Variants in ITGB3 observed in about 807,000 individuals in gnomAD.
The protein encoded by ITGB3 is integrin beta-3.
ITGB3 carries 48 observed loss-of-function variants against 85.8 expected under a neutral mutation model. That is an observed-to-expected ratio of 0.56 (90% CI 0.44 to 0.71). ITGB3 has a LOEUF of 0.71. Ranked by LOEUF, ITGB3 falls within the 30% of genes least tolerant of loss-of-function variation. The pLI is 0.00. For missense variants in ITGB3, 861 were observed against 1,019.1 expected (o/e 0.84, Z 2.11); for synonymous variants, 363 against 395.6 (o/e 0.92, Z 0.98).
chr17:47,273,948 G>A (rs778143439), intron 1 of ITGB3, among the ~76,000 whole-genome samples: 5 of 152,082 alleles, frequency 3.3e-5, no homozygotes, highest in South Asian at 4.1e-4. Flanking sequence ...CACCCTCCAC[G>A]CCCCCACTGT....
rs1235785603 is a variant in ITGB3, at chr17:47,264,328, A to G, written c.80-10091A>G. On this transcript the variant is annotated intron_variant, in intron 1 of 14. Transcript: ENST00000559488. ...CTCTTTCAGGTTCACATTTGTTCACACCCTCATGCCCCATGAGCCATCCAT... is the reference window on the plus strand; with the variant it reads ...CTCTTTCAGGTTCACATTTGTTCACGCCCTCATGCCCCATGAGCCATCCAT... Among the ~76,000 whole-genome samples the G allele has an allele frequency of 2.6e-5, 4 of 152,100 alleles. No individual in the cohort carries two copies. The East Asian group carries it at 7.7e-4, about 29-fold the overall frequency.
chr17:47,293,873 T>C (rs1232356370), intron 10 of ITGB3, among the ~76,000 whole-genome samples: 2 of 152,176 alleles, frequency 1.3e-5, no homozygotes, highest in Non-Finnish European at 2.9e-5. Flanking sequence ...CCCAAAGTGC[T>C]GGGATTACAG....
chr17:47,283,504 G>A lies in ITGB3; in HGVS notation c.316G>A (p.Val106Ile), dbSNP rs1186091732. Residue 106 changes from valine (V) to isoleucine (I), a missense_variant, in exon 3 of 15, where the codon GTC (valine) becomes ATC (isoleucine). Val to Ile is a conservative substitution (Grantham distance 29). Coordinates refer to ENST00000559488, the MANE Select transcript of ITGB3 (RefSeq NM_000212.3). ...SDKGSGDSSQ[V>I]TQVSPQRIAL... is the part of the protein sequence containing the mutation. ...CAAGGGCTCTGGAGACAGCTCCCAG[G>A]TCACTCAAGTCAGTCCCCAGAGGAT... The A allele has an allele frequency of 6.2e-7, 1 of 1,614,248 alleles. No homozygotes were observed. Among genetic ancestry groups the A allele is most frequent in the African/African-American group, 1.3e-5 (1 of 75,068 alleles).
In ITGB3 at chr17:47,299,596, C is replaced by G. The variant is rs1340318003; in HGVS notation, c.1913+66C>G. The G allele has an allele frequency of 2.1e-6, 3 of 1,412,852 alleles. No individual in the cohort carries two copies. The highest frequency in any genetic ancestry group is 2.0e-6 in the Non-Finnish European group (2 of 1,011,296). The allele number at this position is 1,412,852 out of a possible 1,614,324, so 87.5% of individuals were successfully genotyped here. ...AGGAGAGGATCCCCTGACTAGAATC[C>G]CCAGCTCTCCAGGTGTGTTTCTTGC... On this transcript the variant is annotated intron_variant, in intron 11 of 14. Coordinates refer to ENST00000559488, the MANE Select transcript of ITGB3 (RefSeq NM_000212.3). The surrounding 1 kb of genome is among the most constrained non-coding windows in gnomAD (Gnocchi z 5.1).
rs1331559072 is a variant in ITGB3, at chr17:47,289,725, A to G, written c.984A>G (p.Lys328=). 4 of 1,614,016 alleles carry G rather than the reference A, an allele frequency of 2.5e-6. No homozygotes were observed. Among genetic ancestry groups the G allele is most frequent in the East Asian group, 4.5e-5 (2 of 44,906 alleles). ...TGATGACTGAGAAGCTATCCCAGAA[A>G]AACATCAATTTGATCTTTGCAGTGA... The part of the protein sequence containing the change: ...LGLMTEKLSQ[K]NINLIFAVTE... The change falls in exon 7 of 15, where the codon AAA becomes AAG. Residue 328 remains lysine, a synonymous_variant. Coordinates refer to ENST00000559488, the MANE Select transcript of ITGB3 (RefSeq NM_000212.3).
rs1484717454 is a variant in ITGB3 at position 47,302,708 on chromosome 17, T to C, written c.2015-13T>C. 6.2e-7 allele frequency: 1 copy of C among 1,614,080 alleles called. No homozygotes were observed. The highest frequency in any genetic ancestry group is 8.5e-7 in the Non-Finnish European group (1 of 1,179,964). The stretch of plus-strand genomic sequence containing the variant: ...TGTCTCACTTTTTATTCCTCCATTT[T>C]CCCTACTCCCAGAGGACACTGGCAA... On this transcript the variant is annotated splice_polypyrimidine_tract_variant and intron_variant, in intron 12 of 14. Transcript: ENST00000559488.
chr17:47,254,795 C>T (rs541960627), intron 1 of ITGB3, among the ~76,000 whole-genome samples: 2 of 152,308 alleles, frequency 1.3e-5, no homozygotes, highest in South Asian at 4.1e-4. Flanking sequence ...CCGTGGTCCT[C>T]TCTGAGTCCT....
intron 2 of ITGB3, among the ~76,000 whole-genome samples, chr17:47,280,606 G>A (rs1352277609): frequency 6.6e-6 from 1 of 152,158 alleles, no homozygotes; most frequent in Admixed American, 6.5e-5. Flanking sequence ...ATCCACCCGT[G>A]TCGGCCTCCC....
At chr17:47,261,460 A>G (rs949185593) in intron 1 of ITGB3, among the ~76,000 whole-genome samples, 1 of 151,708 alleles carries the variant, frequency 6.6e-6, no homozygotes, top group Non-Finnish European at 1.5e-5. Context: ...GTCAACATAT[A>G]TAATTATTTA....
rs369180925 is a variant in ITGB3, at chr17:47,292,591, C to G, written c.1690+23C>G. 1,710 of 1,599,324 alleles carry G rather than the reference C, an allele frequency of 1.1e-3. 24 individuals carry two copies. The South Asian group carries it at 0.018, about 17-fold the overall frequency. On this transcript the variant is annotated intron_variant, in intron 10 of 14. Coordinates refer to ENST00000559488, the MANE Select transcript of ITGB3 (RefSeq NM_000212.3). ...CAGGTGAGGAGAACTGCAGGGCCCC[C>G]TGTCCTGGAACCCACACCCCCTCAT... is the stretch of plus-strand genomic sequence containing the variant.
chr17:47,292,421 C>CCG lies in ITGB3; in HGVS notation c.1543_1544insCG (p.Arg515ProfsTer155). ...TTCCCAGCAGGACGAATGCAGCCCC[C>CCG]GGGAGGGTCAGCCCGTCTGCAGCCA... On this transcript the variant is annotated frameshift_variant, in exon 10 of 15. Coordinates refer to ENST00000559488, the MANE Select transcript of ITGB3 (RefSeq NM_000212.3). LOFTEE classifies it high-confidence loss of function. 1.9e-6 allele frequency: 3 copies of CCG among 1,611,428 alleles called. No homozygotes were observed. The highest frequency in any genetic ancestry group is 2.5e-6 in the Non-Finnish European group (3 of 1,177,780).
intron 2 of ITGB3, among the ~76,000 whole-genome samples, chr17:47,282,665 G>A (rs1423298493): frequency 6.6e-6 from 1 of 152,090 alleles, no homozygotes; most frequent in Non-Finnish European, 1.5e-5. Context: ...AAATGAGAGG[G>A]GCCAAGACAC....
rs2143129444 is a variant in ITGB3 at position 47,299,214 on chromosome 17, G to A, written c.1691-94G>A. 1.7e-6 allele frequency: 2 copies of A among 1,180,316 alleles called. No homozygotes were observed. The highest frequency in any genetic ancestry group is 1.5e-5 in the African/African-American group (1 of 66,840). The allele number at this position is 1,180,316 out of a possible 1,614,324, so 73.1% of individuals were successfully genotyped here. A position where few individuals can be genotyped will look rare whatever the true frequency, so the allele number is the denominator to read the frequency against. On this transcript the variant is annotated intron_variant, in intron 10 of 14. Coordinates refer to ENST00000559488, the MANE Select transcript of ITGB3 (RefSeq NM_000212.3). This position sits in a 1 kb window ranked among gnomAD's most constrained non-coding sequence, Gnocchi z 5.1. ...GCCAACCTGGAGGATCATTATCTGT[G>A]TGGTTGGGAGAGCAGGATGGTCGTG...
At position 47,300,564 on chromosome 17, in the gene ITGB3, C is replaced by T; in HGVS notation, c.2000C>T (p.Ser667Leu). 6.2e-7 allele frequency: 1 copy of T among 1,613,660 alleles called. No individual in the cohort carries two copies. The highest frequency in any genetic ancestry group is 8.5e-7 in the Non-Finnish European group (1 of 1,179,644). ...CNRYCRDEIE[S>L]VKELKDTGKD... The stretch of plus-strand genomic sequence containing the variant: ...CGTTACTGCCGTGACGAGATTGAGT[C>T]AGTGAAAGAGCTTAGTAAGTTCAGC... The change falls in exon 12 of 15, where the codon TCA (serine) becomes TTA (leucine). Residue 667 changes from serine (S) to leucine (L), a missense_variant. Ser to Leu is a moderately radical substitution (Grantham distance 145, BLOSUM62 -2). Transcript: ENST00000559488.
At chr17:47,264,874 A>G (rs2065020230) in intron 1 of ITGB3, among the ~76,000 whole-genome samples, 1 of 151,888 alleles carries the variant, frequency 6.6e-6, no homozygotes, top group African/African-American at 2.4e-5. Flanking sequence ...TTATTCCTTT[A>G]TCCTGCTTTA....
At chr17:47,292,781 G>T (rs2065132368) in intron 10 of ITGB3, among the ~76,000 whole-genome samples, 1 of 152,134 alleles carries the variant, frequency 6.6e-6, no homozygotes, top group African/African-American at 2.4e-5. Flanking sequence ...AGCATTTATA[G>T]ACTTAGAAAA....
intron 2 of ITGB3, among the ~76,000 whole-genome samples, chr17:47,281,087 T>C (rs564862950): frequency 2.6e-5 from 4 of 152,358 alleles, no homozygotes; most frequent in South Asian, 4.1e-4. Context: ...TGTAAAATTA[T>C]AATAGTTCCA....
At chr17:47,296,769 G>A (rs1456161364) in intron 10 of ITGB3, among the ~76,000 whole-genome samples, 2 of 152,084 alleles carry the variant, frequency 1.3e-5, no homozygotes, top group Admixed American at 6.6e-5. Context: ...AAAATTATCT[G>A]GCCCCAAATA....
In ITGB3 at chr17:47,284,241, T is replaced by G. The variant is rs2065094449; in HGVS notation, c.362-202T>G. ...CCTGGGATTTAGAGAAAGTGGAAAATTTTAGAATGGAAAAGAAGAGGTTAA... is the reference window on the plus strand; with the variant it reads ...CCTGGGATTTAGAGAAAGTGGAAAAGTTTAGAATGGAAAAGAAGAGGTTAA... On this transcript the variant is annotated intron_variant, in intron 3 of 14. Transcript: ENST00000559488. Among the ~76,000 whole-genome samples the G allele has an allele frequency of 2.0e-5, 3 of 152,050 alleles. No homozygotes were observed. In the South Asian group the frequency reaches 6.2e-4, roughly 32 times the overall value.
Sources: gnomAD v4.1 joint callset for allele counts (sites outside exome capture counted in the v4.1 genomes callset) on GRCh38, gnomAD v4.1.1 for gene constraint, Gnocchi (gnomAD v3.1) non-coding constraint, MANE v1.5 for transcripts, NCBI Gene and HGNC (gene_info 2026-07-23, HGNC 2026-07-21) for gene names.